The following FCHSD2 variants were observed in gnomAD, a reference collection of about 807,000 sequenced individuals.
FCHSD2 encodes F-BAR and double SH3 domains protein 2.
In FCHSD2, 38 loss-of-function variants were observed where a neutral mutation model predicts 108.1. The ratio of observed to expected loss-of-function variants is 0.35; its 90% confidence interval spans 0.27 to 0.46. FCHSD2 has a LOEUF of 0.46. Among genes scored for constraint, FCHSD2 ranks in the 20% least tolerant of loss-of-function variants. The pLI is 1.00. For synonymous variants in FCHSD2, 279 were observed against 314.7 expected (o/e 0.89, Z 1.20); for missense variants, 751 against 897.8 (o/e 0.84, Z 2.09).
intron 2 of FCHSD2, among the ~76,000 whole-genome samples, chr11:73,084,339 A>T (rs1859765074): frequency 6.6e-6 from 1 of 152,204 alleles, no homozygotes; most frequent in Admixed American, 6.5e-5. Flanking sequence ...ATGAGAGCAC[A>T]CTTTCCATAC....
chr11:73,063,007 T>C (rs1209669723), intron 3 of FCHSD2, among the ~76,000 whole-genome samples: 1 of 151,856 alleles, frequency 6.6e-6, no homozygotes, highest in African/African-American at 2.4e-5. Context: ...AAGGCTGAAA[T>C]GAAGGAAAAA....
In FCHSD2 at chr11:72,961,244, T is replaced by A. The variant is rs527684488; in HGVS notation, c.705+22844A>T. Among the ~76,000 whole-genome samples the A allele has an allele frequency of 5.5e-4, 84 of 152,292 alleles. No individual in the cohort carries two copies. In the South Asian group the frequency reaches 0.017, roughly 30 times the overall value. ...CTCTGTATTTAGTACTTTTTGTTTGTTTTTTGAGACAGAGTCTCACTCTGT... is the reference window on the plus strand; with the variant it reads ...CTCTGTATTTAGTACTTTTTGTTTGATTTTTGAGACAGAGTCTCACTCTGT... On this transcript the variant is annotated intron_variant, in intron 8 of 19. Coordinates refer to ENST00000409418, the MANE Select transcript of FCHSD2 (RefSeq NM_014824.3).
chr11:73,075,474 T>C (rs1001238196), intron 3 of FCHSD2, among the ~76,000 whole-genome samples: 3 of 151,568 alleles, frequency 2.0e-5, no homozygotes, highest in African/African-American at 7.2e-5. Flanking sequence ...CCTTCATGCA[T>C]TGCAAAACGA....
At chr11:73,116,309 T>A (rs961544047) in intron 2 of FCHSD2, among the ~76,000 whole-genome samples, 1 of 152,226 alleles carries the variant, frequency 6.6e-6, no homozygotes, top group Non-Finnish European at 1.5e-5. Context: ...TTGTTGACGA[T>A]ATTTTTACTT....
At chr11:72,907,741 C>T (rs1855663323) in intron 9 of FCHSD2, among the ~76,000 whole-genome samples, 2 of 151,890 alleles carry the variant, frequency 1.3e-5, no homozygotes, top group South Asian at 4.2e-4. Context: ...CAGGCACCCG[C>T]CACCACGCCT....
intron 3 of FCHSD2, among the ~76,000 whole-genome samples, chr11:73,063,378 A>T (rs1190786769): frequency 6.6e-6 from 1 of 152,230 alleles, no homozygotes; most frequent in Non-Finnish European, 1.5e-5. Flanking sequence ...AAACTGCATC[A>T]ACTAATGGTC....
intron 3 of FCHSD2, among the ~76,000 whole-genome samples, chr11:73,016,726 T>C (rs1857982220): frequency 6.6e-6 from 1 of 152,250 alleles, no homozygotes; most frequent in Non-Finnish European, 1.5e-5. Flanking sequence ...AGACAGATTT[T>C]AAGGGTCTTT....
At chr11:72,893,780 T>C (rs1017286688) in intron 10 of FCHSD2, among the ~76,000 whole-genome samples, 3 of 151,732 alleles carry the variant, frequency 2.0e-5, no homozygotes, top group Non-Finnish European at 4.4e-5. Context: ...CCCTTTAGAA[T>C]AAAATATTAC....
intron 2 of FCHSD2, among the ~76,000 whole-genome samples, chr11:73,125,486 C>T (rs1655874238): frequency 6.6e-6 from 1 of 151,858 alleles, no homozygotes; most frequent in African/African-American, 2.4e-5. Context: ...AGGGGGACTG[C>T]TTGAGCTCCA....
At chr11:72,844,349 G>GA (rs1229362021) in intron 14 of FCHSD2, among the ~76,000 whole-genome samples, 1 of 152,076 alleles carries the variant, frequency 6.6e-6, no homozygotes, top group African/African-American at 2.4e-5. Flanking sequence ...GTGGCCAAAA[G>GA]AAAAAAATTG....
Position 72,889,901 on chromosome 11 carries a change from A to G in FCHSD2, c.969T>C (p.Ser323=). ...ESETGTTEEH[S]LNKEARKWAT... ...CCCATTTTCGAGCTTCCTTATTTAGACTGTGCTCCTCTGTGGTCCCAGTTT... is the reference window on the plus strand; with the variant it reads ...CCCATTTTCGAGCTTCCTTATTTAGGCTGTGCTCCTCTGTGGTCCCAGTTT... The change falls in exon 11 of 20, where the codon AGT becomes AGC. Residue 323 remains serine, a synonymous_variant. Coordinates refer to ENST00000409418, the MANE Select transcript of FCHSD2 (RefSeq NM_014824.3). The G allele has an allele frequency of 6.2e-7, 1 of 1,613,460 alleles. No homozygotes were observed. Among genetic ancestry groups the G allele is most frequent in the East Asian group, 2.2e-5 (1 of 44,868 alleles).
chr11:72,932,803 G>C (rs538016060), intron 8 of FCHSD2, among the ~76,000 whole-genome samples: 4 of 152,210 alleles, frequency 2.6e-5, no homozygotes, highest in African/African-American at 9.6e-5. Flanking sequence ...CATCTTCTGT[G>C]TTGAGCATAG....
chr11:73,011,288 A>G (rs892871114), intron 4 of FCHSD2, among the ~76,000 whole-genome samples: 3 of 152,162 alleles, frequency 2.0e-5, no homozygotes, highest in Non-Finnish European at 4.4e-5. Context: ...GGTGGGAGGC[A>G]GTAGTGGCTG....
In FCHSD2 at chr11:72,864,405, C is replaced by G. The variant is rs1022363705; in HGVS notation, c.1308+3460G>C. 6.6e-5 allele frequency among the ~76,000 whole-genome samples: 10 copies of G among 152,130 alleles called. No individual in the cohort carries two copies. The South Asian group carries it at 2.1e-3, about 32-fold the overall frequency. On this transcript the variant is annotated intron_variant, in intron 13 of 19. Coordinates refer to ENST00000409418, the MANE Select transcript of FCHSD2 (RefSeq NM_014824.3). ...GTGAAAAATACAAAAATTAGCTGGG[C>G]ATGGGGGCATGAGCCTGTAGTCCCA...
intron 5 of FCHSD2, among the ~76,000 whole-genome samples, chr11:73,000,718 C>T (rs1158098227): frequency 1.3e-5 from 2 of 152,134 alleles, no homozygotes; most frequent in South Asian, 2.1e-4. Context: ...CTAAGTAGAT[C>T]TATGTACTTG....
At chr11:72,887,266 G>A (rs1194705982) in intron 12 of FCHSD2, among the ~76,000 whole-genome samples, 1 of 151,968 alleles carries the variant, frequency 6.6e-6, no homozygotes, top group East Asian at 1.9e-4. Flanking sequence ...AATGTTTCAT[G>A]ACTGTAAACT....
intron 19 of FCHSD2, among the ~76,000 whole-genome samples, chr11:72,839,631 C>T (rs1860846238): frequency 6.6e-6 from 1 of 152,070 alleles, no homozygotes; most frequent in Admixed American, 6.6e-5. Flanking sequence ...GATGCCAGAA[C>T]ACCAGTAGGA....
At chr11:73,116,222 C>T (rs1000532837) in intron 2 of FCHSD2, among the ~76,000 whole-genome samples, 1 of 151,986 alleles carries the variant, frequency 6.6e-6, no homozygotes, top group African/African-American at 2.4e-5. Context: ...TTAAATTGTC[C>T]TTGAAGTTTT....
chr11:72,968,446 T>C (rs1409163940), intron 8 of FCHSD2, among the ~76,000 whole-genome samples: 1 of 152,254 alleles, frequency 6.6e-6, no homozygotes, highest in East Asian at 1.9e-4. Flanking sequence ...TATGTCTTGA[T>C]GTCTCATTGA....
Sources: allele counts gnomAD v4.1 joint callset (sites outside exome capture counted in the v4.1 genomes callset), GRCh38; gene constraint gnomAD v4.1.1; transcripts MANE v1.5; gene names NCBI Gene and HGNC (gene_info 2026-07-23, HGNC 2026-07-21).